MCTP2: variants seen among roughly 807,000 people sequenced by gnomAD.
MCTP2 encodes multiple C2 and transmembrane domain-containing protein 2.
MCTP2 carries 132 observed loss-of-function variants against 111.6 expected under a neutral mutation model. The ratio of observed to expected loss-of-function variants is 1.18; its 90% CI spans 1.03 to 1.37. MCTP2 has a LOEUF of 1.37. MCTP2 is among the 40% of genes most tolerant of loss of function. The probability of loss-of-function intolerance (pLI) is 0.00; values close to 1 mark genes in which losing one functional copy is unlikely to be tolerated. For missense variants in MCTP2, 1,183 were observed against 1,067.9 expected, an observed-to-expected ratio of 1.11 and a Z score of -1.50; for synonymous variants, 395 against 387.7, an observed-to-expected ratio of 1.02 and a Z score of -0.22.
chr15:94,254,195 T>C (rs2152271699), intron 1 of MCTP2, among the ~76,000 whole-genome samples: 1 of 152,346 alleles, frequency 6.6e-6, no homozygotes, highest in East Asian at 1.9e-4. Context: ...TGTAATTTTC[T>C]TTACCATTTC....
chr15:94,430,577 CA>C (rs11289166), intron 17 of MCTP2, among the ~76,000 whole-genome samples: 71,021 of 96,684 alleles, frequency 0.73, 25,720 homozygotes, highest in Middle Eastern at 0.8. Flanking sequence ...ACTAAAAATA[CA>C]AAAAAAAAAA....
chr15:94,307,745 T>C (rs924115963), intron 2 of MCTP2, among the ~76,000 whole-genome samples: 7 of 152,020 alleles, frequency 4.6e-5, no homozygotes, highest in South Asian at 2.1e-4. Flanking sequence ...ACAAAAGATA[T>C]GGAGAAATGG....
intron 14 of MCTP2, among the ~76,000 whole-genome samples, chr15:94,398,426 C>T (rs530758341): frequency 6.6e-6 from 1 of 152,188 alleles, no homozygotes; most frequent in Non-Finnish European, 1.5e-5. Flanking sequence ...TACCATAATA[C>T]ATTTGTTAAA....
chr15:94,432,001 A>G (rs2152502364), intron 17 of MCTP2, among the ~76,000 whole-genome samples: 1 of 152,280 alleles, frequency 6.6e-6, no homozygotes, highest in South Asian at 2.1e-4. Flanking sequence ...GAGATTTAGA[A>G]TCTTCTTTAG....
intron 8 of MCTP2, among the ~76,000 whole-genome samples, chr15:94,354,510 G>C (rs2078502761): frequency 6.6e-6 from 1 of 152,130 alleles, no homozygotes; most frequent in Non-Finnish European, 1.5e-5. Flanking sequence ...GCCTTGTGAA[G>C]AAGGTGCCTT....
At chr15:94,386,174 C>G (rs140834193) in intron 14 of MCTP2, among the ~76,000 whole-genome samples, 1 of 151,662 alleles carries the variant, frequency 6.6e-6, no homozygotes, top group Non-Finnish European at 1.5e-5. Flanking sequence ...TTACATGGGT[C>G]GGGGGGAAGC....
chr15:94,445,520 A>T (rs1381390339), intron 19 of MCTP2, among the ~76,000 whole-genome samples: 1 of 152,190 alleles, frequency 6.6e-6, no homozygotes, highest in Non-Finnish European at 1.5e-5. Context: ...GGATTTGTAA[A>T]CTAAAGGGAT....
intron 19 of MCTP2, among the ~76,000 whole-genome samples, chr15:94,454,810 G>T (rs2084702107): frequency 6.6e-6 from 1 of 151,982 alleles, no homozygotes; most frequent in Non-Finnish European, 1.5e-5. Flanking sequence ...AAATTCTGAA[G>T]TTATACTTTA....
chr15:94,312,690 C>A (rs982328344), intron 2 of MCTP2, among the ~76,000 whole-genome samples: 1 of 152,168 alleles, frequency 6.6e-6, no homozygotes, highest in East Asian at 1.9e-4. Flanking sequence ...TTACAAGAAC[C>A]TTAGGGCCTC....
intron 1 of MCTP2, among the ~76,000 whole-genome samples, chr15:94,243,143 ATT>A (rs2071176491): frequency 2.0e-5 from 3 of 146,926 alleles, no homozygotes; most frequent in African/African-American, 7.5e-5. Flanking sequence ...GTGTGGATAT[ATT>A]TATATACGTG....
intron 7 of MCTP2, among the ~76,000 whole-genome samples, chr15:94,344,630 T>C (rs1000197154): frequency 1.3e-5 from 2 of 152,220 alleles, no homozygotes; most frequent in Non-Finnish European, 2.9e-5. Context: ...TTCTTAATTA[T>C]GCAATAATTA....
intron 17 of MCTP2, among the ~76,000 whole-genome samples, chr15:94,435,629 C>CTTTTTTT (rs202170550): frequency 4.2e-5 from 5 of 117,922 alleles, no homozygotes; most frequent in Non-Finnish European, 9.0e-5. Flanking sequence ...TTTTTTTATT[C>CTTTTTTT]TTTTTTTTTT....
At chr15:94,266,235 T>C (rs2073521905) in intron 1 of MCTP2, among the ~76,000 whole-genome samples, 4 of 152,256 alleles carry the variant, frequency 2.6e-5, no homozygotes, top group African/African-American at 9.6e-5. Context: ...CTATGGATTA[T>C]GTGAGGGGGC....
At position 94,298,503 on chromosome 15, in the gene MCTP2, AG is replaced by A. The variant is rs574533536; in HGVS notation, c.239del (p.Ser80ThrfsTer17). ...ACAGTCTTCCTACACCTCGGTGCCCAGCAGTCTGTCCACTGCAGGGATCTTT... is the reference window on the plus strand; with the variant it reads ...ACAGTCTTCCTACACCTCGGTGCCCACAGTCTGTCCACTGCAGGGATCTTT... ...GPQSSYTSVP[S>X]SLSTAGIFPK... On this transcript the variant is annotated frameshift_variant, in exon 2 of 23. Coordinates refer to ENST00000357742, the MANE Select transcript of MCTP2 (RefSeq NM_001385001.1). LOFTEE classifies it high-confidence loss of function. 6.6e-5 allele frequency: 106 copies of A among 1,613,958 alleles called. 1 individual carries two copies. The East Asian group carries it at 2.3e-3, about 34-fold the overall frequency.
intron 4 of MCTP2, among the ~76,000 whole-genome samples, chr15:94,330,943 C>T (rs573631205): frequency 2.0e-5 from 3 of 152,210 alleles, no homozygotes; most frequent in South Asian, 2.1e-4. Context: ...CCATGTTGCC[C>T]AGGCTTGTCT....
At chr15:94,462,109 C>T (rs2085251216) in intron 20 of MCTP2, among the ~76,000 whole-genome samples, 1 of 152,146 alleles carries the variant, frequency 6.6e-6, no homozygotes, top group Non-Finnish European at 1.5e-5. Flanking sequence ...TTGTCCAAGC[C>T]TTGGAAACAA....
intron 1 of MCTP2, among the ~76,000 whole-genome samples, chr15:94,268,519 T>C (rs908953272): frequency 5.3e-5 from 8 of 152,078 alleles, no homozygotes; most frequent in Non-Finnish European, 1.2e-4. Flanking sequence ...TTTCAATCTT[T>C]ATTTTGTTGT....
chr15:94,314,378 G>A, intron 3 of MCTP2, 34 bp downstream of exon 3: 1 of 1,435,876 alleles, frequency 7.0e-7, no homozygotes, highest in Non-Finnish European at 9.7e-7. Flanking sequence ...AACATTAAAT[G>A]TTGTAGATAT....
At chr15:94,460,442 A>T (rs577765691) in intron 20 of MCTP2, among the ~76,000 whole-genome samples, 2 of 152,314 alleles carry the variant, frequency 1.3e-5, no homozygotes, top group East Asian at 3.9e-4. Flanking sequence ...GAGGCATGTC[A>T]TGCAGGCCTT....
Sources: gnomAD v4.1 joint callset for allele counts (sites outside exome capture counted in the v4.1 genomes callset) on GRCh38, gnomAD v4.1.1 for gene constraint, MANE v1.5 for transcripts, NCBI Gene and HGNC (gene_info 2026-07-23, HGNC 2026-07-21) for gene names.